MTRF1: variants seen among roughly 807,000 people sequenced by gnomAD.
MTRF1 encodes the protein mitochondrial translation release factor 1.
In MTRF1, 51 loss-of-function variants were observed where a neutral mutation model predicts 62.9. That is an observed-to-expected ratio of 0.81 (90% CI 0.65 to 1.02). The LOEUF (loss-of-function observed/expected upper bound fraction) is 1.02. Among genes scored for constraint, MTRF1 ranks in the 50% least tolerant of loss-of-function variants. The pLI is 0.00. For missense variants in MTRF1, 446 were observed against 530.0 expected, an observed-to-expected ratio of 0.84 and a Z score of 1.56; for synonymous variants, 158 against 181.9, an observed-to-expected ratio of 0.87 and a Z score of 1.06.
At chr13:41,291,945 A>G in the MTRF1 span, among the ~76,000 whole-genome samples, 1 of 152,218 alleles carries the variant, frequency 6.6e-6, no homozygotes, top group African/African-American at 2.4e-5. Context: ...AAAGAACTAT[A>G]TAAGTGTTTA....
At chr13:41,221,131 T>TG (rs772969004) in intron 9 of MTRF1, among the ~76,000 whole-genome samples, 3 of 151,964 alleles carry the variant, frequency 2.0e-5, no homozygotes, top group Non-Finnish European at 2.9e-5. Flanking sequence ...GCTTCATCTA[T>TG]GATTTGGTTC....
chr13:41,288,478 C>A, the MTRF1 span, among the ~76,000 whole-genome samples: 1 of 152,122 alleles, frequency 6.6e-6, no homozygotes, highest in Non-Finnish European at 1.5e-5. Flanking sequence ...AAATGGGAAT[C>A]TTTTGAAAAT....
At chr13:41,277,160 TTCTA>T in the MTRF1 span, among the ~76,000 whole-genome samples, 5 of 151,040 alleles carry the variant, frequency 3.3e-5, no homozygotes, top group South Asian at 4.2e-4. Flanking sequence ...CAGGGTCTCC[TTCTA>T]TCTGTCACCC....
chr13:41,307,154 G>A, the MTRF1 span, among the ~76,000 whole-genome samples: 2 of 151,936 alleles, frequency 1.3e-5, no homozygotes, highest in Non-Finnish European at 2.9e-5. Context: ...CCACACTAGT[G>A]TAGACAACCA....
the MTRF1 span, among the ~76,000 whole-genome samples, chr13:41,283,961 C>T: frequency 6.6e-6 from 1 of 152,096 alleles, no homozygotes; most frequent in East Asian, 1.9e-4. Context: ...TTTTACAGCA[C>T]TAGGTGGGGG....
At chr13:41,227,084 A>T (rs7329159) in intron 7 of MTRF1, among the ~76,000 whole-genome samples, 2,027 of 152,150 alleles carry the variant, frequency 0.013, 46 homozygotes, top group African/African-American at 0.046. Flanking sequence ...AGGTCAGGAG[A>T]TCACGACCAT....
intron 7 of MTRF1, among the ~76,000 whole-genome samples, chr13:41,230,561 G>A (rs1312480538): frequency 6.8e-6 from 1 of 146,948 alleles, no homozygotes; most frequent in Non-Finnish European, 1.5e-5. Flanking sequence ...ACTGCACCGG[G>A]CCTTTTTTTT....
At chr13:41,261,573 G>A (rs1212050317) in intron 1 of MTRF1, 1 of 154,346 alleles carries the variant, frequency 6.5e-6, no homozygotes, top group East Asian at 1.9e-4. Context: ...TGAAAGCTAT[G>A]AAAACATACA....
chr13:41,267,412 A>G (rs2040853361), upstream of MTRF1, among the ~76,000 whole-genome samples: 1 of 152,194 alleles, frequency 6.6e-6, no homozygotes, highest in African/African-American at 2.4e-5. Flanking sequence ...GTCTTTTAAA[A>G]TATTAGAAGC....
the MTRF1 span, among the ~76,000 whole-genome samples, chr13:41,307,300 G>A: frequency 6.6e-6 from 1 of 152,280 alleles, no homozygotes; most frequent in South Asian, 2.1e-4. Flanking sequence ...TCTCATGATA[G>A]TGAGTGAGTT....
chr13:41,241,355 T>C (rs1046950196), intron 5 of MTRF1, among the ~76,000 whole-genome samples: 20 of 152,130 alleles, frequency 1.3e-4, no homozygotes, highest in Non-Finnish European at 1.3e-4. Context: ...CTTGTTCTTA[T>C]CTAATGTTTT....
upstream of MTRF1, among the ~76,000 whole-genome samples, chr13:41,267,015 A>C (rs913747577): frequency 2.0e-5 from 3 of 151,866 alleles, no homozygotes; most frequent in East Asian, 1.9e-4. Flanking sequence ...AAAAAAAAAA[A>C]AACAAATTTC....
chr13:41,217,273 T>C (rs753524681), intron 9 of MTRF1, 45 bp from the exon 10 acceptor site: 2 of 1,105,806 alleles, frequency 1.8e-6, no homozygotes, highest in Non-Finnish European at 1.3e-6. Flanking sequence ...ATTAGAAATA[T>C]AAGCAAAGAC....
intron 6 of MTRF1, among the ~76,000 whole-genome samples, chr13:41,237,238 A>T (rs2036779029): frequency 6.7e-6 from 1 of 150,244 alleles, no homozygotes. Context: ...AAAAAAAAAA[A>T]AGAATATGAC....
chr13:41,263,329 G>T (rs1468732330), intron 1 of MTRF1, 156 bp downstream of exon 1: 1 of 1,288,928 alleles, frequency 7.8e-7, no homozygotes, highest in Admixed American at 2.3e-5. Flanking sequence ...TTACTCTGAT[G>T]CTTTGGGGAA....
chr13:41,253,368 C>T (rs1475879097), intron 3 of MTRF1, among the ~76,000 whole-genome samples: 1 of 152,208 alleles, frequency 6.6e-6, no homozygotes, highest in Non-Finnish European at 1.5e-5. Flanking sequence ...ACAGTAGCTT[C>T]TTTCATCTAA....
upstream of MTRF1, among the ~76,000 whole-genome samples, chr13:41,267,441 A>G (rs2040853456): frequency 6.6e-6 from 1 of 152,100 alleles, no homozygotes; most frequent in Admixed American, 6.6e-5. Context: ...GCCTAGATCC[A>G]TTTTTTCACT....
At chr13:41,261,033 G>A (rs920423398) in intron 1 of MTRF1, 118 bp from the exon 2 acceptor site, 2 of 1,000,050 alleles carry the variant, frequency 2.0e-6, no homozygotes, top group Admixed American at 2.9e-5. Flanking sequence ...CAGCTCCACA[G>A]TCTTAAAATT....
chr13:41,240,555 T>C (rs2037349832), intron 5 of MTRF1, 122 bp from the exon 6 acceptor site: 5 of 811,036 alleles, frequency 6.2e-6, no homozygotes, highest in Non-Finnish European at 8.7e-6. Flanking sequence ...ACATAAAGCA[T>C]GGGAGAACGA....
Sources: gnomAD v4.1 joint callset for allele counts (sites outside exome capture counted in the v4.1 genomes callset) on GRCh38, gnomAD v4.1.1 for gene constraint, MANE v1.5 for transcripts, NCBI Gene and HGNC (gene_info 2026-07-23, HGNC 2026-07-21) for gene names.